Variants in NALF1 observed in about 807,000 individuals in gnomAD.
The protein encoded by NALF1 is NALCN channel auxiliary factor 1.
Under a neutral mutation model 48.4 loss-of-function variants are expected in NALF1, and 3 were observed. That is an observed-to-expected ratio of 0.06 (90% CI 0.03 to 0.16). The LOEUF (loss-of-function observed/expected upper bound fraction) is 0.16. Ranked by LOEUF, NALF1 falls within the 10% of genes least tolerant of loss-of-function variation. The probability of loss-of-function intolerance (pLI) is 1.00; values close to 1 mark genes in which losing one functional copy is unlikely to be tolerated. For missense variants in NALF1, 526 were observed against 571.5 expected, an observed-to-expected ratio of 0.92 and a Z score of 0.81; for synonymous variants, 262 against 245.7, an observed-to-expected ratio of 1.07 and a Z score of -0.62.
At chr13:107,375,371 C>A (rs1883318677) in intron 1 of NALF1, among the ~76,000 whole-genome samples, 1 of 152,026 alleles carries the variant, frequency 6.6e-6, no homozygotes, top group Non-Finnish European at 1.5e-5. Flanking sequence ...AATATTTTTT[C>A]ATGTTCTCGA....
chr13:107,668,188 C>T (rs746595000), intron 1 of NALF1, among the ~76,000 whole-genome samples: 1 of 152,026 alleles, frequency 6.6e-6, no homozygotes, highest in African/African-American at 2.4e-5. Context: ...AAAATAAAAA[C>T]AAATATTCCA....
chr13:107,593,794 C>T (rs1452137585), intron 1 of NALF1, among the ~76,000 whole-genome samples: 1 of 143,024 alleles, frequency 7.0e-6, no homozygotes, highest in Non-Finnish European at 1.5e-5. Context: ...CAACTCAGGA[C>T]TGCTTCTGGA....
chr13:107,845,275 C>T (rs781109097), intron 1 of NALF1, among the ~76,000 whole-genome samples: 14 of 152,242 alleles, frequency 9.2e-5, no homozygotes, highest in African/African-American at 1.7e-4. Flanking sequence ...TGCTATTAGG[C>T]GGCATAAGCT....
At chr13:107,378,829 T>C (rs1236319199) in intron 1 of NALF1, among the ~76,000 whole-genome samples, 1 of 152,172 alleles carries the variant, frequency 6.6e-6, no homozygotes, top group Non-Finnish European at 1.5e-5. Flanking sequence ...AATTTTAAAA[T>C]ATTATTGTTG....
chr13:107,278,255 T>C (rs998126114), intron 1 of NALF1, among the ~76,000 whole-genome samples: 1 of 152,238 alleles, frequency 6.6e-6, no homozygotes, highest in Non-Finnish European at 1.5e-5. Flanking sequence ...TGATCAAATG[T>C]TAATTTTTGC....
intron 1 of NALF1, among the ~76,000 whole-genome samples, chr13:107,854,454 C>T (rs1480516710): frequency 2.0e-5 from 3 of 152,320 alleles, no homozygotes; most frequent in East Asian, 1.9e-4. Flanking sequence ...CGGAGATACC[C>T]GATTTTAAAT....
At chr13:107,246,144 T>C (rs895946415) in intron 1 of NALF1, among the ~76,000 whole-genome samples, 1 of 149,948 alleles carries the variant, frequency 6.7e-6, no homozygotes, top group East Asian at 2.1e-4. Flanking sequence ...GATTTAATTA[T>C]AAGATAAGCA....
intron 1 of NALF1, among the ~76,000 whole-genome samples, chr13:107,283,833 T>C (rs1881437701): frequency 6.6e-6 from 1 of 151,924 alleles, no homozygotes; most frequent in Non-Finnish European, 1.5e-5. Context: ...CTAATTTTTG[T>C]ATTTTTAGTA....
chr13:107,380,749 C>T (rs1198651136), intron 1 of NALF1, among the ~76,000 whole-genome samples: 1 of 151,924 alleles, frequency 6.6e-6, no homozygotes, highest in African/African-American at 2.4e-5. Flanking sequence ...GAGGCTGAGG[C>T]GGGCGGATCA....
At chr13:107,425,626 G>C (rs571443202) in intron 1 of NALF1, among the ~76,000 whole-genome samples, 1 of 152,094 alleles carries the variant, frequency 6.6e-6, no homozygotes, top group African/African-American at 2.4e-5. Context: ...ATATTACGAT[G>C]ATATTGAATA....
intron 1 of NALF1, among the ~76,000 whole-genome samples, chr13:107,720,565 T>C (rs1408770400): frequency 6.7e-6 from 1 of 149,306 alleles, no homozygotes; most frequent in Non-Finnish European, 1.5e-5. Context: ...ACAGTGAGTA[T>C]TGTATGGAGT....
At chr13:107,660,130 T>A (rs1880688669) in intron 1 of NALF1, among the ~76,000 whole-genome samples, 1 of 151,980 alleles carries the variant, frequency 6.6e-6, no homozygotes, top group Non-Finnish European at 1.5e-5. Context: ...CAAACCATAG[T>A]CTCTTCACGT....
At position 107,396,535 on chromosome 13, in the gene NALF1, G is replaced by A. The variant is rs914557161; in HGVS notation, c.916-185780C>T. On this transcript the variant is annotated intron_variant, in intron 1 of 2. Transcript: ENST00000375915. ...TTTAAAGCACTCCGGGGGACTGAGT[G>A]GCTACTGACTGATTATCAGGACAGC... 6.6e-5 allele frequency among the ~76,000 whole-genome samples: 10 copies of A among 152,132 alleles called. No individual in the cohort carries two copies. The South Asian group carries it at 1.0e-3, about 16-fold the overall frequency.
At chr13:107,847,862 T>C (rs1880212759) in intron 1 of NALF1, among the ~76,000 whole-genome samples, 1 of 152,248 alleles carries the variant, frequency 6.6e-6, no homozygotes, top group African/African-American at 2.4e-5. Flanking sequence ...AGTCTCTATA[T>C]GTGTGAAAAT....
intron 1 of NALF1, among the ~76,000 whole-genome samples, chr13:107,299,774 T>C (rs559768885): frequency 2.4e-4 from 36 of 152,264 alleles, no homozygotes; most frequent in African/African-American, 8.7e-4. Flanking sequence ...GTTCCATGAA[T>C]TATAATCCAA....
intron 1 of NALF1, among the ~76,000 whole-genome samples, chr13:107,304,359 G>A (rs1881896587): frequency 6.6e-6 from 1 of 152,142 alleles, no homozygotes; most frequent in South Asian, 2.1e-4. Flanking sequence ...ACGAGAGATG[G>A]AATTGTAAAA....
intron 1 of NALF1, among the ~76,000 whole-genome samples, chr13:107,694,207 CAAGT>C (rs1183715338): frequency 6.6e-6 from 1 of 152,184 alleles, no homozygotes; most frequent in African/African-American, 2.4e-5. Flanking sequence ...AAATCCTACT[CAAGT>C]AAGGAGTTTC....
chr13:107,684,415 T>C (rs1310116325), intron 1 of NALF1, among the ~76,000 whole-genome samples: 4 of 152,194 alleles, frequency 2.6e-5, no homozygotes, highest in Non-Finnish European at 5.9e-5. Flanking sequence ...CACATTTTCC[T>C]ACAATCATTT....
At chr13:107,344,961 C>T (rs1882746913) in intron 1 of NALF1, among the ~76,000 whole-genome samples, 1 of 151,962 alleles carries the variant, frequency 6.6e-6, no homozygotes, top group South Asian at 2.1e-4. Flanking sequence ...ATTGTTAGAA[C>T]TAATAAAAAC....
Sources: gnomAD v4.1 joint callset for allele counts (sites outside exome capture counted in the v4.1 genomes callset) on GRCh38, gnomAD v4.1.1 for gene constraint, MANE v1.5 for transcripts, NCBI Gene and HGNC (gene_info 2026-07-23, HGNC 2026-07-21) for gene names.